The following NDEL1 variants were observed in gnomAD, a reference collection of about 807,000 sequenced individuals.
The protein encoded by NDEL1 is nudE neurodevelopment protein 1 like 1.
Under a neutral mutation model 45.7 loss-of-function variants are expected in NDEL1, and 9 were observed. That is an observed-to-expected ratio of 0.20 (90% confidence interval 0.12 to 0.34). The LOEUF (loss-of-function observed/expected upper bound fraction) is 0.34, where lower values mean the gene tolerates loss of function less well. Among genes scored for constraint, NDEL1 ranks in the 10% least tolerant of loss-of-function variants. The pLI is 1.00. For missense variants in NDEL1, 306 were observed against 406.2 expected (o/e 0.75, Z 2.12); for synonymous variants, 133 against 158.6 (o/e 0.84, Z 1.21).
At chr17:8,428,396 A>C (rs1303271848) in intron 1 of NDEL1, among the ~76,000 whole-genome samples, 1 of 121,670 alleles carries the variant, frequency 8.2e-6, no homozygotes, top group East Asian at 2.2e-4. Context: ...ACAGAGTCTC[A>C]TTCTGTTGCC....
At chr17:8,461,104 A>G (rs1453814955) in intron 8 of NDEL1, 1 of 152,156 alleles carries the variant, frequency 6.6e-6, no homozygotes, top group Non-Finnish European at 1.5e-5. Context: ...CTTTGAGTCA[A>G]AGAGGTAATT....
In NDEL1 at chr17:8,468,067, T is replaced by G. The variant is rs1911726548; in HGVS notation, c.*1044T>G. ...TAATGACTCTGATGGTGTCCTCCTC[T>G]GGGCAGCTGTATAGGATCATCATGT... On this transcript the variant is annotated 3_prime_UTR_variant, in exon 9 of 9. Coordinates refer to ENST00000334527, the MANE Select transcript of NDEL1 (RefSeq NM_030808.5). The G allele has an allele frequency of 6.6e-6, 1 of 152,660 alleles. No homozygotes were observed. The highest frequency in any genetic ancestry group is 6.5e-5 in the Admixed American group (1 of 15,282). 9.5% of individuals were successfully genotyped at this position (152,660 alleles called of 1,614,324 possible).
rs1311133809 is a variant in NDEL1, at chr17:8,467,182, C to T, written c.*159C>T. 1.5e-6 allele frequency: 1 copy of T among 680,386 alleles called. No individual in the cohort carries two copies. The highest frequency in any genetic ancestry group is 1.7e-5 in the South Asian group (1 of 57,212). 42.1% of individuals were successfully genotyped at this position (680,386 alleles called of 1,614,324 possible). ...TGCAGTGGCGGCTACTGGGCCCTGCCCAGCCCCGGAACTCTGCGCGATATC... is the reference window on the plus strand; with the variant it reads ...TGCAGTGGCGGCTACTGGGCCCTGCTCAGCCCCGGAACTCTGCGCGATATC... On this transcript the variant is annotated 3_prime_UTR_variant, in exon 9 of 9. Transcript: ENST00000334527. The surrounding 1 kb of genome is among the most constrained non-coding windows in gnomAD (Gnocchi z 6.3).
intron 1 of NDEL1, among the ~76,000 whole-genome samples, chr17:8,415,427 C>CATTTGTTT (rs1908524569): frequency 6.8e-6 from 1 of 148,036 alleles, no homozygotes. Flanking sequence ...ATAGTTTTAA[C>CATTTGTTT]ATTTATTTAT....
At chr17:8,422,746 T>G (rs2080432033) in intron 1 of NDEL1, among the ~76,000 whole-genome samples, 1 of 149,224 alleles carries the variant, frequency 6.7e-6, no homozygotes, top group African/African-American at 2.5e-5. Context: ...TCCTTTTCCT[T>G]TTTTTTTTGA....
At chr17:8,469,767 G>C (rs1216580942), downstream of NDEL1, among the ~76,000 whole-genome samples, 1 of 149,852 alleles carries the variant, frequency 6.7e-6, no homozygotes, top group African/African-American at 2.5e-5. Context: ...GCAGTGGCGT[G>C]ATCTTGGCTC....
downstream of NDEL1, among the ~76,000 whole-genome samples, chr17:8,472,151 C>T (rs1298824759): frequency 4.6e-5 from 7 of 152,180 alleles, no homozygotes; most frequent in South Asian, 1.2e-3. Context: ...GTCTGTCCCT[C>T]AGCAGCACCG....
chr17:8,427,193 T>A (rs1348210343), intron 1 of NDEL1, among the ~76,000 whole-genome samples: 1 of 152,082 alleles, frequency 6.6e-6, no homozygotes, highest in Non-Finnish European at 1.5e-5. Flanking sequence ...AGAGCTGAGG[T>A]TTGGGAGTCT....
At chr17:8,450,653 T>G in intron 5 of NDEL1, 127 bp from the exon 6 acceptor site, 1 of 828,308 alleles carries the variant, frequency 1.2e-6, no homozygotes, top group South Asian at 2.0e-5. Context: ...TATACTTAAA[T>G]AGGAAATTCA....
At chr17:8,469,595 TG>T (rs1911783697), downstream of NDEL1, among the ~76,000 whole-genome samples, 3 of 152,204 alleles carry the variant, frequency 2.0e-5, no homozygotes, top group Admixed American at 6.5e-5. Flanking sequence ...AGCGTGCTGT[TG>T]GGCTTATTTC....
chr17:8,455,173 C>T (rs1910748994), intron 7 of NDEL1, among the ~76,000 whole-genome samples: 1 of 152,218 alleles, frequency 6.6e-6, no homozygotes, highest in Admixed American at 6.5e-5. Context: ...AATACTTTGT[C>T]TAAGGCCTGC....
At chr17:8,433,510 T>C (rs1282473966), upstream of NDEL1, among the ~76,000 whole-genome samples, 2 of 152,202 alleles carry the variant, frequency 1.3e-5, no homozygotes, top group Non-Finnish European at 2.9e-5. Flanking sequence ...CCACCATTTT[T>C]CCACCCAGGC....
upstream of NDEL1, among the ~76,000 whole-genome samples, chr17:8,433,843 T>C (rs1187798641): frequency 6.6e-6 from 1 of 152,096 alleles, no homozygotes; most frequent in Non-Finnish European, 1.5e-5. Flanking sequence ...TGGAAATCCA[T>C]GCATAGTTTT....
At chr17:8,445,607 C>A in intron 2 of NDEL1, 104 bp from the exon 3 acceptor site, 1 of 1,172,836 alleles carries the variant, frequency 8.5e-7, no homozygotes, top group Non-Finnish European at 1.2e-6. Flanking sequence ...TTTATGAGAG[C>A]ATTAGCATTC....
chr17:8,473,154 G>A (rs540018596), downstream of NDEL1, among the ~76,000 whole-genome samples: 3 of 152,204 alleles, frequency 2.0e-5, no homozygotes, highest in South Asian at 2.1e-4. Context: ...AAACTGTGAC[G>A]TGAACACCAG....
intron 7 of NDEL1, among the ~76,000 whole-genome samples, chr17:8,456,492 C>CTTTTTTTTTTTT: frequency 1.2e-5 from 1 of 82,812 alleles, no homozygotes. Context: ...TAGGTTATAT[C>CTTTTTTTTTTTT]TTTTTTTTTT....
chr17:8,415,994 G>A lies in NDEL1; in HGVS notation c.-13+2725G>A, dbSNP rs138798519. On this transcript the variant is annotated intron_variant, in intron 1 of 4. Coordinates refer to the NDEL1 transcript ENST00000582812. ...GAACACCTGACCTCGTGATCCACCC[G>A]TCTCCGCCTCCCAAAGTGCTGGGAT... 1.2e-3 allele frequency among the ~76,000 whole-genome samples: 177 copies of A among 152,072 alleles called. 3 individuals carry two copies. The East Asian group carries it at 0.022, about 19-fold the overall frequency.
intron 1 of NDEL1, among the ~76,000 whole-genome samples, chr17:8,413,427 T>C (rs1908469882): frequency 6.6e-6 from 1 of 152,256 alleles, no homozygotes; most frequent in South Asian, 2.1e-4. Flanking sequence ...AAGTTGGTTA[T>C]GTCCCTGTGG....
intron 6 of NDEL1, among the ~76,000 whole-genome samples, chr17:8,454,569 G>C (rs1701499099): frequency 6.6e-6 from 1 of 152,152 alleles, no homozygotes; most frequent in Admixed American, 6.5e-5. Context: ...ATGTTTAAGA[G>C]TATATGTCCT....
Sources: gnomAD v4.1 joint callset for allele counts (sites outside exome capture counted in the v4.1 genomes callset) on GRCh38, gnomAD v4.1.1 for gene constraint, Gnocchi (gnomAD v3.1) non-coding constraint, MANE v1.5 for transcripts, NCBI Gene and HGNC (gene_info 2026-07-23, HGNC 2026-07-21) for gene names.